Variants in ZNF607 observed in about 807,000 individuals in gnomAD.
The protein encoded by ZNF607 is zinc finger protein 607.
In ZNF607, 5 loss-of-function variants were observed where a neutral mutation model predicts 12.8. The ratio of observed to expected loss-of-function variants is 0.39; its 90% CI spans 0.20 to 0.82. The LOEUF is 0.82. ZNF607 is among the 40% of genes least tolerant of loss of function. ZNF607 has a pLI of 0.39. For missense variants in ZNF607, 851 were observed against 859.2 expected (o/e 0.99, Z 0.12); for synonymous variants, 287 against 276.2 (o/e 1.04, Z -0.39).
At chr19:37,703,744 CAT>C (rs1057008612) in intron 4 of ZNF607, among the ~76,000 whole-genome samples, 2 of 152,152 alleles carry the variant, frequency 1.3e-5, no homozygotes, top group African/African-American at 4.8e-5. Flanking sequence ...ATCAAGAAAA[CAT>C]AAAAATCCCA....
At chr19:37,710,417 G>T (rs1390882050) in intron 2 of ZNF607, among the ~76,000 whole-genome samples, 1 of 147,386 alleles carries the variant, frequency 6.8e-6, no homozygotes, top group Admixed American at 6.9e-5. Flanking sequence ...AGTGACCTGA[G>T]AATGCTCCAT....
chr19:37,699,830 C>T lies in ZNF607; in HGVS notation c.301G>A (p.Val101Ile), dbSNP rs2045023395. 5.0e-6 allele frequency: 8 copies of T among 1,613,080 alleles called. No homozygotes were observed. Among genetic ancestry groups the T allele is most frequent in the South Asian group, 4.4e-5 (4 of 90,786 alleles). Residue 101 changes from valine (V) to isoleucine (I), a missense_variant, in exon 5 of 5, where the codon GTT becomes ATT. Val to Ile is a conservative substitution (Grantham distance 29). Coordinates refer to ENST00000355202, the MANE Select transcript of ZNF607 (RefSeq NM_032689.5). ...TTATGAATTCTCTGATGGAGAGTAA[C>T]ACATGAGTGTTTCCTATAAAGCTGC... ...KMQLYRKHSC[V>I]TLHQRIHNGQ...
intron 1 of ZNF607, 146 bp from the exon 2 acceptor site, chr19:37,711,838 C>T (rs2045136072): frequency 7.5e-6 from 4 of 536,450 alleles, no homozygotes; most frequent in Admixed American, 6.1e-5. Context: ...TCTGGATAAA[C>T]CCATTTCCTC....
chr19:37,713,414 T>C (rs1028911725), intron 1 of ZNF607, among the ~76,000 whole-genome samples: 2 of 151,954 alleles, frequency 1.3e-5, no homozygotes, highest in Non-Finnish European at 2.9e-5. Flanking sequence ...TGTGGCGTAG[T>C]AGAAGCACTT....
intron 4 of ZNF607, among the ~76,000 whole-genome samples, chr19:37,704,347 G>A (rs1039253090): frequency 6.6e-6 from 1 of 151,984 alleles, no homozygotes; most frequent in Non-Finnish European, 1.5e-5. Flanking sequence ...TTTGCCAAGA[G>A]GGCCCACACA....
chr19:37,718,990 T>C (rs541987216), intron 1 of ZNF607: 2 of 152,302 alleles, frequency 1.3e-5, no homozygotes, highest in East Asian at 3.9e-4. Context: ...CTGAATACTT[T>C]TTTATTTAAC....
chr19:37,701,454 G>A (rs895537871), intron 4 of ZNF607, among the ~76,000 whole-genome samples: 2 of 152,020 alleles, frequency 1.3e-5, no homozygotes, highest in East Asian at 3.9e-4. Flanking sequence ...CCGCCAAAGC[G>A]CTCACCCTGT....
chr19:37,698,112 A>G lies in ZNF607; in HGVS notation c.2019T>C (p.Phe673=), dbSNP rs2044992876. ...HHRVHTGEKP[F]KCNKCRRSFR... Reference sequence around the variant, plus strand: ...AGGACCTTCTGCATTTGTTACATTTAAAGGGTTTCTCACCAGTATGAACTC... The same window carrying G: ...AGGACCTTCTGCATTTGTTACATTTGAAGGGTTTCTCACCAGTATGAACTC... Residue 673 remains phenylalanine (F), a synonymous_variant, in exon 5 of 5, where the codon TTT becomes TTC. Coordinates refer to ENST00000355202, the MANE Select transcript of ZNF607 (RefSeq NM_032689.5). 3 of 1,613,756 alleles carry G rather than the reference A, an allele frequency of 1.9e-6. No homozygotes were observed. Among genetic ancestry groups the G allele is most frequent in the Admixed American group, 1.7e-5 (1 of 59,974 alleles).
intron 4 of ZNF607, among the ~76,000 whole-genome samples, chr19:37,705,034 C>T (rs1462340684): frequency 6.6e-6 from 1 of 151,474 alleles, no homozygotes; most frequent in East Asian, 1.9e-4. Context: ...AAACCCAAAG[C>T]AAGAAGAATA....
intron 4 of ZNF607, among the ~76,000 whole-genome samples, chr19:37,700,563 A>G (rs990973306): frequency 2.0e-5 from 3 of 152,220 alleles, no homozygotes; most frequent in Non-Finnish European, 4.4e-5. Context: ...GGAAATTATA[A>G]CATAAAGGGT....
chr19:37,708,844 CAAA>C (rs745832713), intron 3 of ZNF607, among the ~76,000 whole-genome samples: 21 of 111,402 alleles, frequency 1.9e-4, no homozygotes, highest in Non-Finnish European at 1.9e-4. Context: ...GACTCTGTCT[CAAA>C]AAAAAAAAAA....
intron 4 of ZNF607, among the ~76,000 whole-genome samples, chr19:37,705,788 A>G (rs2045077500): frequency 6.6e-6 from 1 of 152,122 alleles, no homozygotes; most frequent in African/African-American, 2.4e-5. Flanking sequence ...GAAAAAGAAA[A>G]AAAACTATAT....
chr19:37,699,972 C>A, intron 4 of ZNF607, 77 bp from the exon 5 acceptor site: 8 of 1,281,590 alleles, frequency 6.2e-6, no homozygotes, highest in Non-Finnish European at 6.4e-6. Flanking sequence ...GAAATTCTCA[C>A]CTATTACAGA....
intron 1 of ZNF607, among the ~76,000 whole-genome samples, chr19:37,715,988 T>C (rs2045173416): frequency 6.6e-6 from 1 of 152,220 alleles, no homozygotes; most frequent in African/African-American, 2.4e-5. Context: ...AAATCGCATT[T>C]TTAATACCTA....
At chr19:37,701,031 T>C (rs1273833292) in intron 4 of ZNF607, among the ~76,000 whole-genome samples, 1 of 152,132 alleles carries the variant, frequency 6.6e-6, no homozygotes, top group Non-Finnish European at 1.5e-5. Context: ...TTGTCATAGA[T>C]GAAATACAAA....
chr19:37,714,610 TCC>T (rs2045161029), intron 1 of ZNF607, among the ~76,000 whole-genome samples: 1 of 150,150 alleles, frequency 6.7e-6, no homozygotes, highest in African/African-American at 2.5e-5. Context: ...TTACGTGGTA[TCC>T]TGCTGAAATT....
At chr19:37,711,260 T>C (rs143113135) in intron 2 of ZNF607, among the ~76,000 whole-genome samples, 6 of 152,302 alleles carry the variant, frequency 3.9e-5, no homozygotes, top group African/African-American at 1.4e-4. Flanking sequence ...GATGGTCAAA[T>C]GGAACTGTTG....
intron 1 of ZNF607, among the ~76,000 whole-genome samples, chr19:37,713,604 T>G (rs1355139721): frequency 6.6e-6 from 1 of 151,984 alleles, no homozygotes. Flanking sequence ...CATACCCACC[T>G]AATTTTTGTA....
chr19:37,718,323 C>T (rs939912719), intron 1 of ZNF607, among the ~76,000 whole-genome samples: 1 of 152,144 alleles, frequency 6.6e-6, no homozygotes, highest in Non-Finnish European at 1.5e-5. Flanking sequence ...AAATCCAAAA[C>T]GGAATATCCA....
Sources: allele counts gnomAD v4.1 joint callset (sites outside exome capture counted in the v4.1 genomes callset), GRCh38; gene constraint gnomAD v4.1.1; transcripts MANE v1.5; gene names NCBI Gene and HGNC (gene_info 2026-07-23, HGNC 2026-07-21).